RGS7: variants seen among roughly 807,000 people sequenced by gnomAD.
RGS7 encodes the protein regulator of G protein signaling 7.
RGS7 carries 27 observed loss-of-function variants against 81.1 expected under a neutral mutation model. The ratio of observed to expected loss-of-function variants is 0.33; its 90% CI spans 0.25 to 0.46. The LOEUF is 0.46. Ranked by LOEUF, RGS7 falls within the 20% of genes least tolerant of loss-of-function variation. RGS7 has a pLI of 1.00. For missense variants in RGS7, 396 were observed against 607.4 expected (o/e 0.65, Z 3.66); for synonymous variants, 208 against 207.7 (o/e 1.00, Z -0.01).
intron 2 of RGS7, among the ~76,000 whole-genome samples, chr1:241,303,300 G>C (rs1206301502): frequency 2.6e-5 from 4 of 152,112 alleles, no homozygotes; most frequent in Non-Finnish European, 1.5e-5. Context: ...ACCTCCCACT[G>C]CTCTCTCTTC....
At chr1:241,248,863 G>T (rs1244310950) in intron 2 of RGS7, among the ~76,000 whole-genome samples, 1 of 152,082 alleles carries the variant, frequency 6.6e-6, no homozygotes, top group Non-Finnish European at 1.5e-5. Flanking sequence ...TGGCCACAAG[G>T]CTCAAGCTTA....
chr1:241,146,082 G>T (rs2068291586), intron 2 of RGS7, among the ~76,000 whole-genome samples: 1 of 152,138 alleles, frequency 6.6e-6, no homozygotes, highest in Non-Finnish European at 1.5e-5. Context: ...GAGAGTGGGG[G>T]TGGCAGATGG....
At chr1:241,240,858 C>T (rs1184241111) in intron 2 of RGS7, among the ~76,000 whole-genome samples, 3 of 152,152 alleles carry the variant, frequency 2.0e-5, no homozygotes, top group African/African-American at 7.2e-5. Context: ...ACTCCCTGAG[C>T]CCTTTCTGCT....
chr1:241,061,229 C>G (rs576929243), intron 3 of RGS7, among the ~76,000 whole-genome samples: 10 of 152,264 alleles, frequency 6.6e-5, no homozygotes, highest in African/African-American at 2.4e-4. Context: ...ATGAGTCATA[C>G]CCTCTTTCTC....
rs750873367 is a variant in RGS7, at chr1:240,806,320, C to A, written c.1089G>T (p.Trp363Cys). The stretch of plus-strand genomic sequence containing the variant: ...TCTTTTTCAGGTCCTCCACTGCCAG[C>A]CAGAATCTATGCAGAATGTGAGATC... The part of the protein sequence containing the change: ...SEFSSENLRF[W>C]LAVEDLKKRP... The change falls in exon 15 of 19, where the codon TGG (tryptophan) becomes TGT (cysteine). Residue 363 changes from tryptophan (W) to cysteine (C), a missense_variant. Trp to Cys is a radical substitution (Grantham distance 215, BLOSUM62 -2). Transcript: ENST00000440928. The A allele has an allele frequency of 1.2e-6, 2 of 1,613,788 alleles. No individual in the cohort carries two copies. The highest frequency in any genetic ancestry group is 1.7e-6 in the Non-Finnish European group (2 of 1,179,822).
chr1:241,291,128 A>G (rs373632364), intron 2 of RGS7, among the ~76,000 whole-genome samples: 16 of 152,340 alleles, frequency 1.1e-4, no homozygotes, highest in Middle Eastern at 3.4e-3. Context: ...AAATAAACAC[A>G]GACAAAGCCA....
chr1:241,056,279 T>G (rs549531043), intron 3 of RGS7, among the ~76,000 whole-genome samples: 3 of 152,310 alleles, frequency 2.0e-5, no homozygotes, highest in Admixed American at 6.5e-5. Flanking sequence ...AATTCAAGTA[T>G]TACCTCCTGC....
At chr1:241,032,361 T>A (rs1211136189) in intron 3 of RGS7, among the ~76,000 whole-genome samples, 1 of 152,252 alleles carries the variant, frequency 6.6e-6, no homozygotes, top group East Asian at 1.9e-4. Flanking sequence ...AGTACCGTGC[T>A]GTTTTGATTA....
chr1:240,816,515 AAAGCTTATTTGATT>A, intron 10 of RGS7, 100 bp from the exon 11 acceptor site: 1 of 776,960 alleles, frequency 1.3e-6, no homozygotes. Flanking sequence ...AAGGTCTCTC[AAAGCTTATTTGATT>A]AAGCTTCTTA....
At chr1:241,313,085 G>A (rs1393887189) in intron 2 of RGS7, among the ~76,000 whole-genome samples, 2 of 152,168 alleles carry the variant, frequency 1.3e-5, no homozygotes, top group Non-Finnish European at 2.9e-5. Context: ...GGAAGTCACA[G>A]GAGAAAATTT....
intron 9 of RGS7, among the ~76,000 whole-genome samples, chr1:240,833,443 G>C (rs1189625657): frequency 1.3e-5 from 2 of 152,196 alleles, no homozygotes; most frequent in African/African-American, 4.8e-5. Flanking sequence ...ATAAGGGGGA[G>C]CTACTGTATT....
At chr1:241,351,750 G>C (rs924877197) in intron 2 of RGS7, among the ~76,000 whole-genome samples, 12 of 152,154 alleles carry the variant, frequency 7.9e-5, no homozygotes, top group African/African-American at 2.9e-4. Context: ...GAGGGGAAGG[G>C]GGAGAGGGGT....
chr1:240,944,282 G>GTGTGTGTGTGTA (rs1352421845), intron 4 of RGS7, among the ~76,000 whole-genome samples: 1 of 55,820 alleles, frequency 1.8e-5, no homozygotes, highest in African/African-American at 8.5e-5. Context: ...GTGTGTGTGT[G>GTGTGTGTGTGTA]TATATATATA....
At chr1:241,261,628 C>CAA (rs35082766) in intron 2 of RGS7, among the ~76,000 whole-genome samples, 15 of 61,700 alleles carry the variant, frequency 2.4e-4, no homozygotes, top group African/African-American at 5.6e-4. Flanking sequence ...GACTCTGTCT[C>CAA]AAAAAAAAAA....
intron 9 of RGS7, among the ~76,000 whole-genome samples, chr1:240,846,924 T>C (rs778337704): frequency 6.6e-6 from 1 of 152,138 alleles, no homozygotes; most frequent in African/African-American, 2.4e-5. Flanking sequence ...ACCATAGCCT[T>C]GGCCAACAGC....
intron 2 of RGS7, among the ~76,000 whole-genome samples, chr1:241,199,512 T>A (rs1446073507): frequency 6.6e-6 from 1 of 152,146 alleles, no homozygotes; most frequent in African/African-American, 2.4e-5. Flanking sequence ...TAAAAATTTT[T>A]CCTCTAAAAT....
chr1:241,250,308 CTT>C (rs1244799658), intron 2 of RGS7, among the ~76,000 whole-genome samples: 1 of 152,124 alleles, frequency 6.6e-6, no homozygotes, highest in Non-Finnish European at 1.5e-5. Context: ...TCAGAGTAAA[CTT>C]AAATCTTACA....
intron 2 of RGS7, among the ~76,000 whole-genome samples, chr1:241,135,421 C>A (rs1351187086): frequency 6.6e-6 from 1 of 152,082 alleles, no homozygotes; most frequent in Non-Finnish European, 1.5e-5. Context: ...AGCGAGACTC[C>A]GTCTGAACAA....
At chr1:240,910,875 C>T (rs1033897027) in intron 6 of RGS7, among the ~76,000 whole-genome samples, 2 of 152,154 alleles carry the variant, frequency 1.3e-5, no homozygotes, top group East Asian at 1.9e-4. Context: ...TGTGCCACAA[C>T]GCCCAACTAA....
Sources: allele counts gnomAD v4.1 joint callset (sites outside exome capture counted in the v4.1 genomes callset), GRCh38; gene constraint gnomAD v4.1.1; transcripts MANE v1.5; gene names NCBI Gene and HGNC (gene_info 2026-07-23, HGNC 2026-07-21).